The following NR4A3 variants were observed in gnomAD, a reference collection of about 807,000 sequenced individuals.
The protein encoded by NR4A3 is chondrosarcoma, extraskeletal myxoid, fused to EWS.
Under a neutral mutation model 55.6 loss-of-function variants are expected in NR4A3, and 13 were observed. That is an observed-to-expected ratio of 0.23 (90% CI 0.15 to 0.37). The LOEUF (loss-of-function observed/expected upper bound fraction) is 0.37. Ranked by LOEUF, NR4A3 falls within the 10% of genes least tolerant of loss-of-function variation. The pLI is 1.00. For synonymous variants in NR4A3, 342 were observed against 357.9 expected (o/e 0.96, Z 0.50); for missense variants, 646 against 822.8 (o/e 0.79, Z 2.63).
At chr9:99,855,583 A>C (rs1003353206) in intron 7 of NR4A3, among the ~76,000 whole-genome samples, 1 of 152,224 alleles carries the variant, frequency 6.6e-6, no homozygotes, top group Non-Finnish European at 1.5e-5. Context: ...AGACGGTCAG[A>C]CTGAAAAGTA....
chr9:99,824,466 C>T (rs1587869674), intron 1 of NR4A3, among the ~76,000 whole-genome samples: 1 of 152,210 alleles, frequency 6.6e-6, no homozygotes, highest in East Asian at 1.9e-4. Context: ...CTTCTACCCG[C>T]GCTACATCGA....
intron 2 of NR4A3, among the ~76,000 whole-genome samples, chr9:99,827,298 A>G (rs1827319677): frequency 6.6e-6 from 1 of 151,522 alleles, no homozygotes; most frequent in South Asian, 2.1e-4. Context: ...GTGTATATAT[A>G]TATATATGGG....
intron 7 of NR4A3, among the ~76,000 whole-genome samples, chr9:99,851,067 A>G (rs1054200493): frequency 3.3e-5 from 5 of 152,210 alleles, no homozygotes; most frequent in Admixed American, 1.3e-4. Context: ...CAAGTGCTCT[A>G]CAGTGGTGTC....
At chr9:99,842,108 ATT>A (rs10626492) in intron 5 of NR4A3, among the ~76,000 whole-genome samples, 9 of 136,088 alleles carry the variant, frequency 6.6e-5, no homozygotes, top group Non-Finnish European at 7.9e-5. Context: ...GGACTCTCTG[ATT>A]TTTTTTTTTT....
At chr9:99,830,842 A>C (rs1827425972) in intron 3 of NR4A3, among the ~76,000 whole-genome samples, 1 of 152,244 alleles carries the variant, frequency 6.6e-6, no homozygotes, top group African/African-American at 2.4e-5. Flanking sequence ...TTATCTCTAA[A>C]TAATGGAGAG....
In NR4A3 at chr9:99,844,641, C is replaced by G. The variant is rs762075054; in HGVS notation, c.1255-8C>G. Reference sequence around the variant, plus strand: ...GGATAATGCTGCTCTCTCTGGTTTGCATTCTAGTACTGTCCCACTGACCAG... The same window carrying G: ...GGATAATGCTGCTCTCTCTGGTTTGGATTCTAGTACTGTCCCACTGACCAG... On this transcript the variant is annotated splice_region_variant and splice_polypyrimidine_tract_variant and intron_variant, in intron 5 of 7. Transcript: ENST00000395097. The G allele has an allele frequency of 6.2e-7, 1 of 1,613,528 alleles. No homozygotes were observed. The highest frequency in any genetic ancestry group is 2.2e-5 in the East Asian group (1 of 44,876).
Position 99,864,073 on chromosome 9 carries a change from G to A in NR4A3, c.*206G>A, listed in dbSNP as rs1828052507. ...TTGCAGAGTATTGTGTTGGGGTTGTGTTTTATATTTAGGCATTGGGGGATG... is the reference window on the plus strand; with the variant it reads ...TTGCAGAGTATTGTGTTGGGGTTGTATTTTATATTTAGGCATTGGGGGATG... On this transcript the variant is annotated 3_prime_UTR_variant, in exon 8 of 8. Transcript: ENST00000395097. 5.8e-6 allele frequency: 2 copies of A among 342,042 alleles called. No individual in the cohort carries two copies. The highest frequency in any genetic ancestry group is 8.9e-5 in the Admixed American group (2 of 22,410). The allele number at this position is 342,042 out of a possible 1,614,324, so 21.2% of individuals were successfully genotyped here.
intron 6 of NR4A3, among the ~76,000 whole-genome samples, chr9:99,847,003 C>T (rs1827766606): frequency 6.6e-6 from 1 of 152,154 alleles, no homozygotes; most frequent in Non-Finnish European, 1.5e-5. Flanking sequence ...TAGCCTCAGG[C>T]CTTGGCAGTT....
At chr9:99,841,609 CA>C (rs771099106) in intron 5 of NR4A3, among the ~76,000 whole-genome samples, 1 of 152,148 alleles carries the variant, frequency 6.6e-6, no homozygotes, top group Non-Finnish European at 1.5e-5. Flanking sequence ...CACATTTAAT[CA>C]TCACAGCAAA....
chr9:99,856,108 G>A (rs1420796153), intron 7 of NR4A3, among the ~76,000 whole-genome samples: 1 of 152,012 alleles, frequency 6.6e-6, no homozygotes, highest in Non-Finnish European at 1.5e-5. Flanking sequence ...ATGGTTTCGG[G>A]ATGATTCAAG....
At chr9:99,829,181 A>T (rs757420758) in intron 3 of NR4A3, among the ~76,000 whole-genome samples, 188 bp downstream of exon 3, 2 of 152,240 alleles carry the variant, frequency 1.3e-5, no homozygotes, top group African/African-American at 2.4e-5. Context: ...GTCCATGTGC[A>T]GCAGGCCACC....
rs1167563055 is a variant in NR4A3 at position 99,847,445 on chromosome 9, C to T, written c.1463C>T (p.Thr488Ile). The T allele has an allele frequency of 1.2e-6, 2 of 1,613,990 alleles. No individual in the cohort carries two copies. The highest frequency in any genetic ancestry group is 1.7e-6 in the Non-Finnish European group (2 of 1,179,956). The change falls in exon 7 of 8, where the codon ACT becomes ATT. Residue 488 changes from threonine (T) to isoleucine (I), a missense_variant. Around this residue, in one of 5 missense-constraint regions of NR4A3, gnomAD observed 163 missense variants for 233.0 expected, o/e 0.70. Coordinates refer to ENST00000395097, the MANE Select transcript of NR4A3 (RefSeq NM_006981.4). Reference protein sequence around the residue: ...FVLRLSIRSNTAEDKFVFCNG... With the variant: ...FVLRLSIRSNIAEDKFVFCNG... ...TTCCTCTCACCTCCCAGGTCAAACA[C>T]TGCTGAAGATAAGTTTGTGTTCTGC...
At chr9:99,858,993 CA>C (rs947959717) in intron 7 of NR4A3, among the ~76,000 whole-genome samples, 2 of 152,224 alleles carry the variant, frequency 1.3e-5, no homozygotes, top group Non-Finnish European at 2.9e-5. Context: ...CTAAATAACT[CA>C]AACCCTTTCC....
chr9:99,832,549 G>C (rs1827464264), intron 3 of NR4A3, 140 bp from the exon 4 acceptor site: 1 of 623,822 alleles, frequency 1.6e-6, no homozygotes, highest in Non-Finnish European at 2.4e-6. Context: ...TTTCCTGCAG[G>C]CTAGCGTTTT....
chr9:99,827,433 A>T (rs1827323462), intron 2 of NR4A3, among the ~76,000 whole-genome samples: 1 of 152,180 alleles, frequency 6.6e-6, no homozygotes, highest in Non-Finnish European at 1.5e-5. Flanking sequence ...CAGTTTGTGC[A>T]GGCTGCTAGC....
chr9:99,851,020 G>T (rs1325574970), intron 7 of NR4A3, among the ~76,000 whole-genome samples: 2 of 152,244 alleles, frequency 1.3e-5, no homozygotes, highest in Non-Finnish European at 2.9e-5. Context: ...TGATATTAAA[G>T]TAATTAAGCT....
intron 2 of NR4A3, chr9:99,826,845 T>A: frequency 1.3e-6 from 2 of 1,556,280 alleles, no homozygotes; most frequent in Non-Finnish European, 1.8e-6. Context: ...TTCACTTCTC[T>A]ATTAGTCACA....
intron 5 of NR4A3, 49 bp downstream of exon 5, chr9:99,833,503 T>C: frequency 1.2e-6 from 2 of 1,614,024 alleles, no homozygotes; most frequent in Non-Finnish European, 1.7e-6. Flanking sequence ...GGGTCTCTAT[T>C]TATGGCTACT....
intron 1 of NR4A3, among the ~76,000 whole-genome samples, chr9:99,824,255 C>T (rs567446781): frequency 6.6e-5 from 10 of 152,316 alleles, no homozygotes; most frequent in African/African-American, 2.4e-4. Context: ...TCGAGGGGAA[C>T]TCCTTCGTTG....
Sources: allele counts gnomAD v4.1 joint callset (sites outside exome capture counted in the v4.1 genomes callset), GRCh38; gene constraint gnomAD v4.1.1; regional missense constraint gnomAD v4.1.1; transcripts MANE v1.5; gene names NCBI Gene and HGNC (gene_info 2026-07-23, HGNC 2026-07-21).